Variants in IPCEF1 observed in about 807,000 individuals in gnomAD.
IPCEF1 encodes interactor protein for cytohesin exchange factors 1.
IPCEF1 carries 31 observed loss-of-function variants against 50.9 expected under a neutral mutation model. That is an observed-to-expected ratio of 0.61 (90% CI 0.46 to 0.82). IPCEF1 has a LOEUF of 0.82. IPCEF1 is among the 40% of genes least tolerant of loss of function. The pLI, the probability that IPCEF1 is intolerant of heterozygous loss-of-function variation, is 0.00. For missense variants in IPCEF1, 458 were observed against 514.0 expected, an observed-to-expected ratio of 0.89 and a Z score of 1.05; for synonymous variants, 181 against 192.0, an observed-to-expected ratio of 0.94 and a Z score of 0.47.
intron 10 of IPCEF1, among the ~76,000 whole-genome samples, chr6:154,197,246 A>T (rs1019641269): frequency 6.6e-6 from 1 of 152,206 alleles, no homozygotes; most frequent in African/African-American, 2.4e-5. Context: ...ATGAAAAGCT[A>T]CCTTTGTCTG....
chr6:154,260,882 G>A lies in IPCEF1; in HGVS notation c.36+5030C>T, dbSNP rs112788502. On this transcript the variant is annotated intron_variant, in intron 3 of 11. Transcript: ENST00000367220. ...AAGAAAACCAAGCAATCATGATTTC[G>A]TGCATAACACTTGGTTATCACCATA... 9.9e-3 allele frequency among the ~76,000 whole-genome samples: 1,504 copies of A among 152,194 alleles called. 23 individuals are homozygous for A. The highest frequency in any genetic ancestry group is 0.033 in the African/African-American group (1,367 of 41,518).
At chr6:154,235,547 A>AAT (rs372812797) in intron 5 of IPCEF1, among the ~76,000 whole-genome samples, 15,081 of 149,786 alleles carry the variant, frequency 0.1, 1,510 homozygotes, top group East Asian at 0.54. Context: ...AAAAAAAAAA[A>AAT]AAAAGTAATG....
chr6:154,249,486 C>G (rs187677289), intron 3 of IPCEF1, among the ~76,000 whole-genome samples: 1 of 152,236 alleles, frequency 6.6e-6, no homozygotes, highest in East Asian at 1.9e-4. Context: ...TTGAGACAAA[C>G]CAAGAACCAG....
At chr6:154,235,879 A>ATAAT (rs1485775752) in intron 5 of IPCEF1, among the ~76,000 whole-genome samples, 1 of 152,216 alleles carries the variant, frequency 6.6e-6, no homozygotes, top group East Asian at 1.9e-4. Context: ...GCGACTGTAA[A>ATAAT]TAATTAATTA....
At chr6:154,321,778 TAAAAAAAAAAAAAAA>T in intron 1 of IPCEF1, among the ~76,000 whole-genome samples, 1 of 51,932 alleles carries the variant, frequency 1.9e-5, no homozygotes. Flanking sequence ...AGACTCTTTC[TAAAAAAAAAAAAAAA>T]AAAAAAAAAA....
chr6:154,179,882 T>C (rs1414528565), intron 10 of IPCEF1, among the ~76,000 whole-genome samples: 1 of 152,194 alleles, frequency 6.6e-6, no homozygotes, highest in Non-Finnish European at 1.5e-5. Context: ...TGTTAACATG[T>C]AGATTCCATT....
intron 1 of IPCEF1, among the ~76,000 whole-genome samples, chr6:154,319,876 A>G (rs1783329537): frequency 6.6e-6 from 1 of 152,206 alleles, no homozygotes; most frequent in Non-Finnish European, 1.5e-5. Context: ...GGCTTTCAAG[A>G]GGTCTCTTAA....
intron 3 of IPCEF1, among the ~76,000 whole-genome samples, chr6:154,259,030 AAAGCCATCTACT>A (rs1432624383): frequency 6.6e-6 from 1 of 152,246 alleles, no homozygotes; most frequent in Non-Finnish European, 1.5e-5. Context: ...AGATGTCTGC[AAAGCCATCTACT>A]GCTCGATTAC....
chr6:154,154,627 A>T lies in IPCEF1; in HGVS notation c.*5201T>A, dbSNP rs1428631041. On this transcript the variant is annotated 3_prime_UTR_variant, in exon 12 of 12. Transcript: ENST00000367220. Reference sequence around the variant, plus strand: ...GCAGCCATTAAACACTTCCAGCCACATGTTTATTTCTTTGAGAAAGCAACA... The same window carrying T: ...GCAGCCATTAAACACTTCCAGCCACTTGTTTATTTCTTTGAGAAAGCAACA... 6.6e-6 allele frequency: 1 copy of T among 152,260 alleles called. No homozygotes were observed. The highest frequency in any genetic ancestry group is 2.1e-4 in the South Asian group (1 of 4,836). The allele number at this position is 152,260 out of a possible 1,614,324, so 9.4% of individuals were successfully genotyped here. A position where few individuals can be genotyped will look rare whatever the true frequency, so the allele number is the denominator to read the frequency against.
intron 3 of IPCEF1, among the ~76,000 whole-genome samples, chr6:154,256,088 G>A: frequency 6.6e-6 from 1 of 152,200 alleles, no homozygotes; most frequent in South Asian, 2.1e-4. Context: ...CTGTAACAGA[G>A]TACCATAGAC....
chr6:154,295,471 C>T (rs985632915), intron 1 of IPCEF1, among the ~76,000 whole-genome samples: 1 of 81,718 alleles, frequency 1.2e-5, no homozygotes, highest in African/African-American at 8.3e-5. Context: ...CACCCCACCA[C>T]CAACACACAC....
chr6:154,224,484 G>A (rs1213400166), intron 5 of IPCEF1, among the ~76,000 whole-genome samples: 1 of 152,080 alleles, frequency 6.6e-6, no homozygotes, highest in Non-Finnish European at 1.5e-5. Context: ...GAGGAGGGTG[G>A]ATCACTTGCG....
At chr6:154,225,133 C>G (rs917174330) in intron 5 of IPCEF1, among the ~76,000 whole-genome samples, 1 of 152,070 alleles carries the variant, frequency 6.6e-6, no homozygotes, top group African/African-American at 2.4e-5. Context: ...CATATACAAA[C>G]AAGTCAAGTA....
At chr6:154,182,252 T>C (rs771308275) in intron 10 of IPCEF1, among the ~76,000 whole-genome samples, 7 of 152,216 alleles carry the variant, frequency 4.6e-5, no homozygotes, top group East Asian at 1.9e-4. Flanking sequence ...CAGAGTCATG[T>C]ACGTATCTTC....
At chr6:154,284,388 A>G (rs1339316330) in intron 2 of IPCEF1, among the ~76,000 whole-genome samples, 1 of 152,228 alleles carries the variant, frequency 6.6e-6, no homozygotes, top group African/African-American at 2.4e-5. Flanking sequence ...AGAAATTGTT[A>G]GTGTACTCTA....
intron 3 of IPCEF1, among the ~76,000 whole-genome samples, chr6:154,263,500 G>A (rs1256333554): frequency 1.7e-5 from 2 of 115,352 alleles, no homozygotes; most frequent in East Asian, 2.2e-4. Context: ...ATCTTGCACC[G>A]CCCTTAATCC....
At chr6:154,312,009 C>A (rs1445025265) in intron 1 of IPCEF1, among the ~76,000 whole-genome samples, 3 of 129,738 alleles carry the variant, frequency 2.3e-5, no homozygotes, top group African/African-American at 3.9e-5. Context: ...GATGTCTATA[C>A]CCCCACATTC....
chr6:154,170,403 A>G (rs1236370991), intron 10 of IPCEF1, among the ~76,000 whole-genome samples: 1 of 152,212 alleles, frequency 6.6e-6, no homozygotes, highest in Non-Finnish European at 1.5e-5. Flanking sequence ...CAAACTTCAC[A>G]TGCCTTAGAG....
chr6:154,320,881 G>A (rs1225397016), intron 1 of IPCEF1, among the ~76,000 whole-genome samples: 1 of 151,980 alleles, frequency 6.6e-6, no homozygotes, highest in East Asian at 1.9e-4. Context: ...GACATATATA[G>A]AGAGACACTC....
Sources: gnomAD v4.1 joint callset for allele counts (sites outside exome capture counted in the v4.1 genomes callset) on GRCh38, gnomAD v4.1.1 for gene constraint, MANE v1.5 for transcripts, NCBI Gene and HGNC (gene_info 2026-07-23, HGNC 2026-07-21) for gene names.